SCGB2B2: variants seen among roughly 807,000 people sequenced by gnomAD.
SCGB2B2 encodes the protein secretoglobin family 2B member 2.
A neutral mutation model predicts 7.6 loss-of-function variants in SCGB2B2; 11 were observed. The ratio of observed to expected loss-of-function variants is 1.45; its 90% CI spans 0.91 to 2.40. SCGB2B2 has a LOEUF of 2.40. SCGB2B2 is among the 30% of genes most tolerant of loss of function. The pLI, the probability that SCGB2B2 is intolerant of heterozygous loss-of-function variation, is 0.00. For synonymous variants in SCGB2B2, 50 were observed against 48.6 expected (o/e 1.03, Z -0.12); for missense variants, 104 against 115.4 (o/e 0.90, Z 0.45).
intron 1 of SCGB2B2, chr19:34,645,892 C>T (rs1368707164): frequency 8.0e-6 from 2 of 249,638 alleles, no homozygotes; most frequent in Non-Finnish European, 1.6e-5. Flanking sequence ...ACAGGGGATG[C>T]CTGCCTGGAT....
chr19:34,662,019 A>T (rs2067471130), intron 1 of SCGB2B2, among the ~76,000 whole-genome samples: 1 of 152,004 alleles, frequency 6.6e-6, no homozygotes, highest in African/African-American at 2.4e-5. Flanking sequence ...AGCTAGGACT[A>T]CATGTGTGTG....
At chr19:34,675,533 A>T (rs930062247) in intron 1 of SCGB2B2, 97 bp downstream of exon 1, 2 of 152,252 alleles carry the variant, frequency 1.3e-5, no homozygotes, top group African/African-American at 4.8e-5. Context: ...AGTCGGCACA[A>T]GCTACAGGTC....
At chr19:34,619,215 A>G (rs948056259) in intron 1 of SCGB2B2, among the ~76,000 whole-genome samples, 1 of 152,296 alleles carries the variant, frequency 6.6e-6, no homozygotes, top group Non-Finnish European at 1.5e-5. Context: ...ACAGACAAAA[A>G]CGGAGATCCA....
chr19:34,672,419 A>G (rs2067826013), intron 1 of SCGB2B2, among the ~76,000 whole-genome samples: 1 of 151,926 alleles, frequency 6.6e-6, no homozygotes, highest in African/African-American at 2.4e-5. Context: ...TGAATCTGTC[A>G]TTGATTTGAG....
rs2065335802 is a variant in SCGB2B2 at position 34,592,889 on chromosome 19, GC to G, written c.*665del. Among the ~76,000 whole-genome samples, 2 of 152,254 alleles carry G rather than the reference GC, an allele frequency of 1.3e-5. No individual in the cohort carries two copies. The highest frequency in any genetic ancestry group is 3.4e-3 in the Middle Eastern group (1 of 294). On this transcript the variant is annotated 3_prime_UTR_variant, in exon 4 of 4. Transcript: ENST00000601241. ...TTAGCCAGGAGGGTGTGATTTCCCA[GC>G]CTCCAGCATCCCGAGTCCTGGGGAG...
intron 1 of SCGB2B2, among the ~76,000 whole-genome samples, chr19:34,620,387 A>G (rs896643391): frequency 1.3e-5 from 2 of 152,200 alleles, no homozygotes; most frequent in Non-Finnish European, 2.9e-5. Flanking sequence ...AGGGACATGG[A>G]TGAAGCTGGA....
At chr19:34,667,846 C>A (rs891413788) in intron 1 of SCGB2B2, among the ~76,000 whole-genome samples, 4 of 152,166 alleles carry the variant, frequency 2.6e-5, no homozygotes, top group African/African-American at 7.2e-5. Context: ...TCACTAGGGC[C>A]CTGGGTGGAG....
At chr19:34,645,344 A>T (rs1479530128) in intron 1 of SCGB2B2, 2 of 153,810 alleles carry the variant, frequency 1.3e-5, no homozygotes, top group African/African-American at 2.4e-5. Context: ...GCCCGTTCCC[A>T]ATCCCAGGAC....
At chr19:34,628,830 AG>A (rs1180397072) in intron 1 of SCGB2B2, among the ~76,000 whole-genome samples, 1 of 152,014 alleles carries the variant, frequency 6.6e-6, no homozygotes, top group Non-Finnish European at 1.5e-5. Flanking sequence ...AAAGAATTTT[AG>A]ACCAATATCG....
chr19:34,657,157 G>T (rs2067305251), intron 1 of SCGB2B2, among the ~76,000 whole-genome samples: 1 of 151,274 alleles, frequency 6.6e-6, no homozygotes, highest in South Asian at 2.1e-4. Flanking sequence ...TTAAGAGAAT[G>T]CAATATTTAC....
At chr19:34,605,069 GCTTT>G (rs1194565547) in intron 1 of SCGB2B2, among the ~76,000 whole-genome samples, 1 of 152,056 alleles carries the variant, frequency 6.6e-6, no homozygotes, top group Non-Finnish European at 1.5e-5. Flanking sequence ...CCACTGATGT[GCTTT>G]CTGTCAGTAT....
chr19:34,668,202 G>A (rs554378098), intron 1 of SCGB2B2, among the ~76,000 whole-genome samples: 2 of 152,296 alleles, frequency 1.3e-5, no homozygotes, highest in East Asian at 1.9e-4. Flanking sequence ...AGGGAGAGGC[G>A]CGAGCGGGAA....
chr19:34,608,298 G>A (rs1441564585), intron 1 of SCGB2B2, among the ~76,000 whole-genome samples: 1 of 151,656 alleles, frequency 6.6e-6, no homozygotes, highest in Non-Finnish European at 1.5e-5. Context: ...ACTTTTGTAT[G>A]TATATTTTGT....
At chr19:34,594,094 G>T (rs2065371932) in intron 3 of SCGB2B2, 81 bp downstream of exon 3, 1 of 1,159,342 alleles carries the variant, frequency 8.6e-7, no homozygotes, top group Non-Finnish European at 1.3e-6. Context: ...GTGGAAAGCA[G>T]GATGGAAGGC....
chr19:34,663,827 G>C (rs1048584530), intron 1 of SCGB2B2, among the ~76,000 whole-genome samples: 3 of 152,170 alleles, frequency 2.0e-5, no homozygotes, highest in African/African-American at 7.2e-5. Flanking sequence ...TGGAGATGCA[G>C]AGGGGAAAGA....
Position 34,615,548 on chromosome 19 carries a change from G to T in SCGB2B2, c.-2031-18954C>A, listed in dbSNP as rs576584826. 1.3e-3 allele frequency among the ~76,000 whole-genome samples: 194 copies of T among 150,914 alleles called. 1 individual carries two copies. Among genetic ancestry groups the T allele is most frequent in the Non-Finnish European group, 2.4e-3 (161 of 67,816 alleles). On this transcript the variant is annotated intron_variant, in intron 1 of 3. Coordinates refer to ENST00000601241, the MANE Select transcript of SCGB2B2 (RefSeq NM_001025591.4). ...TGTACTCTCCTTCAAGTATGTAGTTGTTTATTCATATTCATACTGTCTTTG... is the reference window on the plus strand; with the variant it reads ...TGTACTCTCCTTCAAGTATGTAGTTTTTTATTCATATTCATACTGTCTTTG...
intron 1 of SCGB2B2, among the ~76,000 whole-genome samples, chr19:34,659,866 T>C (rs1351111356): frequency 6.6e-6 from 1 of 152,204 alleles, no homozygotes; most frequent in Non-Finnish European, 1.5e-5. Context: ...GATGGAGGCA[T>C]CATGCTACCT....
rs966971340 is a variant in SCGB2B2 at position 34,593,463 on chromosome 19, G to A, written c.*92C>T. 2 of 923,226 alleles carry A rather than the reference G, an allele frequency of 2.2e-6. No individual in the cohort carries two copies. Among genetic ancestry groups the A allele is most frequent in the African/African-American group, 3.3e-5 (2 of 60,356 alleles). The allele number at this position is 923,226 out of a possible 1,614,324, so 57.2% of individuals were successfully genotyped here. On this transcript the variant is annotated 3_prime_UTR_variant, in exon 4 of 4. Transcript: ENST00000601241. ...AACTGAGCTGCAGGTGTTCATTGGG[G>A]TCTCTGTAGTGATGAACAGAGCCAG...
intron 1 of SCGB2B2, among the ~76,000 whole-genome samples, chr19:34,597,382 A>G (rs1046367826): frequency 6.6e-6 from 1 of 151,834 alleles, no homozygotes; most frequent in Admixed American, 6.6e-5. Flanking sequence ...CCCTGGGGAC[A>G]TTGGGGGTGG....
Sources: allele counts gnomAD v4.1 joint callset (sites outside exome capture counted in the v4.1 genomes callset), GRCh38; gene constraint gnomAD v4.1.1; transcripts MANE v1.5; gene names NCBI Gene and HGNC (gene_info 2026-07-23, HGNC 2026-07-21).